CDK14: variants seen among roughly 807,000 people sequenced by gnomAD.
CDK14 encodes the protein cyclin-dependent kinase 14.
A neutral mutation model predicts 60.7 loss-of-function variants in CDK14; 34 were observed. The observed-to-expected ratio is 0.56, with a 90% CI of 0.43 to 0.75. CDK14 has a LOEUF of 0.75. Ranked by LOEUF, CDK14 falls within the 30% of genes least tolerant of loss-of-function variation. CDK14 has a pLI of 0.00. For synonymous variants in CDK14, 197 were observed against 203.7 expected (o/e 0.97, Z 0.28); for missense variants, 482 against 564.1 (o/e 0.85, Z 1.47).
intron 3 of CDK14, among the ~76,000 whole-genome samples, chr7:90,747,042 G>A (rs1219927211): frequency 6.6e-6 from 1 of 152,168 alleles, no homozygotes; most frequent in Non-Finnish European, 1.5e-5. Context: ...CTACAGCTGT[G>A]TTGTAGTTTG....
intron 10 of CDK14, among the ~76,000 whole-genome samples, chr7:91,043,727 A>C (rs527682344): frequency 9.8e-4 from 147 of 150,444 alleles, no homozygotes; most frequent in African/African-American, 3.5e-3. Context: ...TGATGTTAGT[A>C]TTAATTAGTG....
At chr7:90,622,859 C>G (rs1200638801) in intron 2 of CDK14, among the ~76,000 whole-genome samples, 1 of 151,066 alleles carries the variant, frequency 6.6e-6, no homozygotes, top group African/African-American at 2.4e-5. Flanking sequence ...ATCAAAGTTT[C>G]CACCCAGGGA....
At chr7:91,089,625 C>CTA (rs950185472) in intron 12 of CDK14, among the ~76,000 whole-genome samples, 4 of 150,966 alleles carry the variant, frequency 2.6e-5, no homozygotes, top group East Asian at 3.9e-4. Flanking sequence ...AGATACGCAG[C>CTA]TATATATATA....
intron 4 of CDK14, among the ~76,000 whole-genome samples, chr7:90,767,470 C>T (rs1804611623): frequency 6.6e-6 from 1 of 152,116 alleles, no homozygotes; most frequent in East Asian, 1.9e-4. Flanking sequence ...TATTTTCCCC[C>T]CTTGTTTCAC....
intron 7 of CDK14, among the ~76,000 whole-genome samples, chr7:90,906,463 A>T (rs942314318): frequency 2.0e-5 from 3 of 152,134 alleles, no homozygotes; most frequent in Non-Finnish European, 2.9e-5. Flanking sequence ...ATGAATACTT[A>T]ATTTTTATTA....
At chr7:91,039,286 T>G (rs192915981) in intron 10 of CDK14, among the ~76,000 whole-genome samples, 45 of 152,324 alleles carry the variant, frequency 3.0e-4, no homozygotes, top group African/African-American at 1.0e-3. Context: ...CTCTCCAGAC[T>G]GAGCAACTCC....
intron 4 of CDK14, among the ~76,000 whole-genome samples, chr7:90,769,156 A>G (rs564207461): frequency 7.2e-5 from 11 of 152,270 alleles, no homozygotes; most frequent in South Asian, 2.1e-4. Flanking sequence ...CCAAAGTCCT[A>G]TTTATTTTCT....
intron 8 of CDK14, among the ~76,000 whole-genome samples, chr7:90,944,374 A>G (rs1038978169): frequency 6.6e-6 from 1 of 152,172 alleles, no homozygotes; most frequent in African/African-American, 2.4e-5. Context: ...CAGATATGTC[A>G]GTTTATCAGT....
At chr7:91,141,799 T>TTTGTTG (rs10654091) in intron 14 of CDK14, among the ~76,000 whole-genome samples, 10,108 of 150,032 alleles carry the variant, frequency 0.067, 851 homozygotes, top group East Asian at 0.47. Flanking sequence ...AACAGTGGGT[T>TTTGTTG]TTGTTGTTGT....
chr7:90,626,968 A>G (rs188671907), intron 2 of CDK14, among the ~76,000 whole-genome samples: 1 of 144,884 alleles, frequency 6.9e-6, no homozygotes, highest in African/African-American at 2.9e-5. Flanking sequence ...AAACAGCAAA[A>G]AACAAAAACA....
At chr7:90,642,976 A>G (rs1800375088) in intron 2 of CDK14, among the ~76,000 whole-genome samples, 1 of 152,228 alleles carries the variant, frequency 6.6e-6, no homozygotes, top group South Asian at 2.1e-4. Flanking sequence ...CAAAGTGAGA[A>G]AGGCTTAGTT....
At chr7:90,929,658 C>G (rs1793529230) in intron 8 of CDK14, among the ~76,000 whole-genome samples, 1 of 152,252 alleles carries the variant, frequency 6.6e-6, no homozygotes, top group South Asian at 2.1e-4. Flanking sequence ...TAAAATTATA[C>G]TTCATGTTAA....
chr7:90,946,678 T>C (rs1364975764), intron 8 of CDK14, among the ~76,000 whole-genome samples: 1 of 152,234 alleles, frequency 6.6e-6, no homozygotes, highest in Admixed American at 6.5e-5. Flanking sequence ...TTTTAAAAAT[T>C]CACTTCAGTC....
At chr7:90,917,760 T>C (rs757836661) in intron 8 of CDK14, 36 bp downstream of exon 8, 1 of 1,606,650 alleles carries the variant, frequency 6.2e-7, no homozygotes, top group South Asian at 1.1e-5. Context: ...TATTTTGTCA[T>C]ACTGTGAGAA....
chr7:90,972,301 G>A (rs1340552281), intron 9 of CDK14, among the ~76,000 whole-genome samples: 2 of 152,106 alleles, frequency 1.3e-5, no homozygotes, highest in African/African-American at 2.4e-5. Context: ...AATCAATTTG[G>A]TTCCTTCTGT....
chr7:90,812,709 A>G (rs1016165777), intron 5 of CDK14, among the ~76,000 whole-genome samples: 3 of 152,220 alleles, frequency 2.0e-5, no homozygotes, highest in African/African-American at 7.2e-5. Context: ...ATTAAAAACC[A>G]CAGTGAGCTA....
At chr7:91,131,861 C>G (rs907620024) in intron 14 of CDK14, among the ~76,000 whole-genome samples, 1 of 152,148 alleles carries the variant, frequency 6.6e-6, no homozygotes, top group African/African-American at 2.4e-5. Flanking sequence ...GTTTTATCCT[C>G]ATTTTACCAT....
rs931919877 is a variant in CDK14, at chr7:91,174,574, A to T, written c.*29-32591A>T. ...AAAACTTTGAAAAAAATTTAGAAGA[A>T]TGTATAACTAGAATAACCAATAGAG... On this transcript the variant is annotated intron_variant, in intron 14 of 14. Transcript: ENST00000380050. Among the ~76,000 whole-genome samples, 13 of 145,518 alleles carry T rather than the reference A, an allele frequency of 8.9e-5. No individual in the cohort carries two copies. In the South Asian group the frequency reaches 1.8e-3, roughly 20 times the overall value.
chr7:90,718,672 G>T (rs1427346152), intron 2 of CDK14, among the ~76,000 whole-genome samples: 1 of 152,134 alleles, frequency 6.6e-6, no homozygotes, highest in Admixed American at 6.6e-5. Flanking sequence ...TTCTATATGT[G>T]TACATATCTT....
Sources: gnomAD v4.1 joint callset for allele counts (sites outside exome capture counted in the v4.1 genomes callset) on GRCh38, gnomAD v4.1.1 for gene constraint, MANE v1.5 for transcripts, NCBI Gene and HGNC (gene_info 2026-07-23, HGNC 2026-07-21) for gene names.